GRID2: variants seen among roughly 807,000 people sequenced by gnomAD.
The protein encoded by GRID2 is glutamate receptor ionotropic, delta-2.
Under a neutral mutation model 114.8 loss-of-function variants are expected in GRID2, and 33 were observed. That is an observed-to-expected ratio of 0.29 (90% CI 0.22 to 0.38). The LOEUF is 0.38. Among genes scored for constraint, GRID2 ranks in the 10% least tolerant of loss-of-function variants. GRID2 has a pLI of 1.00. For synonymous variants in GRID2, 505 were observed against 449.9 expected, an observed-to-expected ratio of 1.12 and a Z score of -1.55; for missense variants, 1,184 against 1,257.7, an observed-to-expected ratio of 0.94 and a Z score of 0.89.
At position 93,081,904 on chromosome 4, in the gene GRID2, T is replaced by A. The variant is rs1031790480; in HGVS notation, c.245-3091T>A. ...AAAGGTAGTCTGCGTTGCTAAGCTT[T>A]GCTTCTGTTCTTACTGCAGCCTTTT... is the stretch of plus-strand genomic sequence containing the variant. On this transcript the variant is annotated intron_variant, in intron 2 of 15. Transcript: ENST00000282020. 2.0e-3 allele frequency among the ~76,000 whole-genome samples: 299 copies of A among 152,326 alleles called. 2 individuals carry two copies. Among genetic ancestry groups the A allele is most frequent in the African/African-American group, 7.1e-3 (294 of 41,584 alleles).
chr4:92,776,024 C>T (rs1738775777), intron 2 of GRID2, among the ~76,000 whole-genome samples: 1 of 152,036 alleles, frequency 6.6e-6, no homozygotes, highest in Non-Finnish European at 1.5e-5. Flanking sequence ...TATAGGAAGG[C>T]CATATGATTC....
At chr4:93,593,102 G>T (rs1738584268) in intron 13 of GRID2, among the ~76,000 whole-genome samples, 1 of 151,664 alleles carries the variant, frequency 6.6e-6, no homozygotes. Flanking sequence ...CTGTCATTAT[G>T]ATGTTAGCTG....
intron 8 of GRID2, among the ~76,000 whole-genome samples, chr4:93,331,862 T>C (rs1758501553): frequency 6.6e-6 from 1 of 152,060 alleles, no homozygotes. Context: ...ACACAAGTTA[T>C]TTTTTTCTGG....
intron 13 of GRID2, among the ~76,000 whole-genome samples, chr4:93,590,778 G>A (rs12644044): frequency 6.6e-6 from 1 of 151,284 alleles, no homozygotes. Context: ...CACATCCCTT[G>A]TAAGTTGGAT....
chr4:93,566,824 A>C lies in GRID2; in HGVS notation c.2193+51413A>C, dbSNP rs562334734. Among the ~76,000 whole-genome samples the C allele has an allele frequency of 5.9e-5, 9 of 152,230 alleles. 1 individual carries two copies. The South Asian group carries it at 1.9e-3, about 32-fold the overall frequency. Reference sequence around the variant, plus strand: ...CTCATCAAGTTGTGTGATTACAAAGAATGAATTTTTTTATATATGCATTAT... The same window carrying C: ...CTCATCAAGTTGTGTGATTACAAAGCATGAATTTTTTTATATATGCATTAT... On this transcript the variant is annotated intron_variant, in intron 13 of 15. Transcript: ENST00000282020.
intron 10 of GRID2, among the ~76,000 whole-genome samples, chr4:93,435,900 A>C (rs533078452): frequency 6.6e-6 from 1 of 152,312 alleles, no homozygotes; most frequent in East Asian, 1.9e-4. Context: ...ATTTGAGGCC[A>C]GTCTGCATAT....
intron 2 of GRID2, among the ~76,000 whole-genome samples, chr4:92,750,437 A>G (rs1456628736): frequency 2.0e-5 from 3 of 152,162 alleles, no homozygotes; most frequent in Admixed American, 1.3e-4. Context: ...TATTAGTTCA[A>G]TTCAAAATAA....
chr4:93,251,730 A>G (rs1221121246), intron 8 of GRID2, among the ~76,000 whole-genome samples: 2 of 152,128 alleles, frequency 1.3e-5, no homozygotes, highest in African/African-American at 2.4e-5. Flanking sequence ...GGTTCTCATC[A>G]TTTAGCTCCC....
chr4:93,240,131 G>A (rs1052582422), intron 8 of GRID2, among the ~76,000 whole-genome samples: 2 of 151,504 alleles, frequency 1.3e-5, no homozygotes, highest in African/African-American at 4.8e-5. Context: ...GCTTGTAGGT[G>A]TATTTCTGTA....
chr4:92,322,166 A>G (rs1346581318), intron 1 of GRID2, among the ~76,000 whole-genome samples: 3 of 152,202 alleles, frequency 2.0e-5, no homozygotes, highest in Non-Finnish European at 4.4e-5. Context: ...TCTACAACAT[A>G]TAAATCAAAG....
chr4:92,825,268 G>GA (rs1174179205), intron 2 of GRID2, among the ~76,000 whole-genome samples: 1 of 152,060 alleles, frequency 6.6e-6, no homozygotes, highest in Non-Finnish European at 1.5e-5. Flanking sequence ...ATGATGAACA[G>GA]AAAAAAATTC....
intron 2 of GRID2, among the ~76,000 whole-genome samples, chr4:92,659,823 C>G (rs898366529): frequency 6.6e-6 from 1 of 151,348 alleles, no homozygotes; most frequent in Non-Finnish European, 1.5e-5. Flanking sequence ...CTGTTGAATT[C>G]TCAACCTTTA....
At chr4:92,488,875 A>G (rs1254131585) in intron 1 of GRID2, among the ~76,000 whole-genome samples, 2 of 152,090 alleles carry the variant, frequency 1.3e-5, no homozygotes, top group Admixed American at 6.6e-5. Context: ...ATGCTGAGAA[A>G]ACTCTACTCA....
intron 2 of GRID2, among the ~76,000 whole-genome samples, chr4:92,769,802 A>G (rs1050772596): frequency 1.3e-5 from 2 of 152,148 alleles, no homozygotes; most frequent in Admixed American, 6.5e-5. Context: ...CACATAGCAC[A>G]GGGACCCAGG....
At chr4:92,594,016 A>C (rs948963728) in intron 2 of GRID2, among the ~76,000 whole-genome samples, 8 of 151,698 alleles carry the variant, frequency 5.3e-5, no homozygotes, top group Non-Finnish European at 1.5e-5. Context: ...ATATTTTCAC[A>C]ATTTAGATGA....
At chr4:92,842,432 A>G (rs962951963) in intron 2 of GRID2, among the ~76,000 whole-genome samples, 3 of 152,132 alleles carry the variant, frequency 2.0e-5, no homozygotes, top group Non-Finnish European at 2.9e-5. Flanking sequence ...GAACTCATCT[A>G]TCTTAGTTGT....
At chr4:93,001,838 C>T (rs1278124192) in intron 2 of GRID2, among the ~76,000 whole-genome samples, 1 of 151,620 alleles carries the variant, frequency 6.6e-6, no homozygotes, top group Non-Finnish European at 1.5e-5. Context: ...TTTCAATTTT[C>T]CATGCTAGTG....
At chr4:93,478,034 T>C (rs558121995) in intron 11 of GRID2, among the ~76,000 whole-genome samples, 4 of 152,238 alleles carry the variant, frequency 2.6e-5, no homozygotes, top group Non-Finnish European at 5.9e-5. Context: ...TACAACTGTG[T>C]CAAATTGTAA....
intron 9 of GRID2, among the ~76,000 whole-genome samples, chr4:93,417,696 T>C (rs929380027): frequency 4.6e-5 from 7 of 152,002 alleles, no homozygotes; most frequent in Admixed American, 1.3e-4. Context: ...GTTATGTAAA[T>C]GGAATCAAAA....
Sources: allele counts gnomAD v4.1 joint callset (sites outside exome capture counted in the v4.1 genomes callset), GRCh38; gene constraint gnomAD v4.1.1; transcripts MANE v1.5; gene names NCBI Gene and HGNC (gene_info 2026-07-23, HGNC 2026-07-21).